HHAT: variants seen among roughly 807,000 people sequenced by gnomAD.
HHAT encodes the protein hedgehog acyltransferase, also known as protein-cysteine N-palmitoyltransferase HHAT.
HHAT carries 47 observed loss-of-function variants against 70.8 expected under a neutral mutation model. The observed-to-expected ratio is 0.66, with a 90% CI of 0.53 to 0.85. The LOEUF (loss-of-function observed/expected upper bound fraction) is 0.85. Ranked by LOEUF, HHAT falls within the 40% of genes least tolerant of loss-of-function variation. HHAT has a pLI of 0.00. For synonymous variants in HHAT, 228 were observed against 247.6 expected (o/e 0.92, Z 0.74); for missense variants, 609 against 604.8 (o/e 1.01, Z -0.07).
At chr1:210,448,569 G>A (rs1053742343) in intron 7 of HHAT, among the ~76,000 whole-genome samples, 5 of 152,242 alleles carry the variant, frequency 3.3e-5, no homozygotes, top group African/African-American at 9.6e-5. Flanking sequence ...GGCAATTTAC[G>A]AAGTATTGAG....
At chr1:210,514,205 C>G (rs894586154) in intron 9 of HHAT, among the ~76,000 whole-genome samples, 1 of 152,200 alleles carries the variant, frequency 6.6e-6, no homozygotes, top group Non-Finnish European at 1.5e-5. Flanking sequence ...ACCTTGTCCT[C>G]TTTGACCTCT....
chr1:210,437,804 T>A (rs10863831), intron 7 of HHAT, among the ~76,000 whole-genome samples: 111,466 of 151,648 alleles, frequency 0.74, 41,382 homozygotes, highest in South Asian at 0.79. Flanking sequence ...TTTATCCAAT[T>A]GAATTCCTTC....
chr1:210,600,524 A>G (rs1463818327), intron 10 of HHAT, among the ~76,000 whole-genome samples: 3 of 152,140 alleles, frequency 2.0e-5, no homozygotes, highest in African/African-American at 4.8e-5. Context: ...GTAAGGAGGA[A>G]TTAGTCTTCC....
intron 9 of HHAT, among the ~76,000 whole-genome samples, chr1:210,580,917 G>A (rs188596486): frequency 2.8e-3 from 419 of 152,294 alleles, no homozygotes; most frequent in Middle Eastern, 0.024. Flanking sequence ...TTCCACGATG[G>A]TTGAACTAAT....
chr1:210,650,994 A>G (rs1675014203), intron 11 of HHAT, among the ~76,000 whole-genome samples: 2 of 152,246 alleles, frequency 1.3e-5, no homozygotes. Flanking sequence ...GGAAAGCTGT[A>G]GATAATTGCC....
intron 8 of HHAT, among the ~76,000 whole-genome samples, chr1:210,511,733 G>A (rs1397831415): frequency 6.7e-6 from 1 of 150,310 alleles, no homozygotes; most frequent in Non-Finnish European, 1.5e-5. Context: ...GTTGGGAGCA[G>A]TGATTCTGCC....
At chr1:210,664,352 CT>C (rs532172812) in intron 11 of HHAT, among the ~76,000 whole-genome samples, 15 of 152,328 alleles carry the variant, frequency 9.8e-5, no homozygotes, top group South Asian at 8.3e-4. Context: ...TCGTTTCCCC[CT>C]ATCAGATCTG....
chr1:210,483,143 A>C (rs996180564), intron 8 of HHAT, among the ~76,000 whole-genome samples: 3 of 152,140 alleles, frequency 2.0e-5, no homozygotes, highest in African/African-American at 7.2e-5. Flanking sequence ...CTTCTGTTTC[A>C]ATGGCCCTTT....
intron 7 of HHAT, among the ~76,000 whole-genome samples, chr1:210,450,494 A>ATT (rs370619142): frequency 2.0e-5 from 3 of 151,176 alleles, no homozygotes; most frequent in African/African-American, 7.3e-5. Context: ...TTTGTATCTT[A>ATT]TTTTTAAAAA....
Position 210,348,946 on chromosome 1 carries a change from A to G in HHAT, c.-30A>G. 6.2e-7 allele frequency: 1 copy of G among 1,610,712 alleles called. No individual in the cohort carries two copies. Among genetic ancestry groups the G allele is most frequent in the Non-Finnish European group, 8.5e-7 (1 of 1,179,106 alleles). On this transcript the variant is annotated 5_prime_UTR_variant, in exon 2 of 12. Transcript: ENST00000261458. ...TCTGTTTCTCAGAAACTCTCAGCGT[A>G]GGCATCGGGAACCTTCGTGCCAAGG... is the stretch of plus-strand genomic sequence containing the variant.
chr1:210,386,301 G>C (rs1205946648), intron 3 of HHAT, among the ~76,000 whole-genome samples: 3 of 132,012 alleles, frequency 2.3e-5, no homozygotes, highest in Admixed American at 8.5e-5. Flanking sequence ...TGCAGTGGCG[G>C]GATTTCGGCT....
intron 3 of HHAT, among the ~76,000 whole-genome samples, chr1:210,376,050 A>G (rs1293783557): frequency 8.2e-6 from 1 of 121,706 alleles, no homozygotes; most frequent in African/African-American, 3.2e-5. Context: ...TTTTTACTAG[A>G]TAGGGGGTTT....
chr1:210,643,524 G>A (rs78754803), intron 11 of HHAT, among the ~76,000 whole-genome samples: 2,552 of 152,228 alleles, frequency 0.017, 34 homozygotes, highest in Middle Eastern at 0.027. Context: ...CATACCATGC[G>A]TCCAGAGGGT....
intron 1 of HHAT, among the ~76,000 whole-genome samples, chr1:210,345,612 T>C (rs1452041487): frequency 6.6e-6 from 1 of 152,260 alleles, no homozygotes; most frequent in African/African-American, 2.4e-5. Context: ...AGTGTTTTGG[T>C]CTTTATTTAG....
intron 10 of HHAT, among the ~76,000 whole-genome samples, chr1:210,616,212 G>A (rs1667697418): frequency 6.6e-6 from 1 of 151,446 alleles, no homozygotes; most frequent in African/African-American, 2.4e-5. Context: ...TACTCTCTTA[G>A]TGATTTTCAA....
At chr1:210,526,544 G>A (rs1032734824) in intron 9 of HHAT, among the ~76,000 whole-genome samples, 1 of 152,098 alleles carries the variant, frequency 6.6e-6, no homozygotes, top group Non-Finnish European at 1.5e-5. Context: ...GAAGCAGCCT[G>A]TGGAATGGAA....
chr1:210,379,435 TCGGCAGTAC>T (rs950776390), intron 3 of HHAT, among the ~76,000 whole-genome samples: 4 of 152,252 alleles, frequency 2.6e-5, no homozygotes, highest in African/African-American at 9.6e-5. Flanking sequence ...GTTGAGTTAA[TCGGCAGTAC>T]CTGCTGTACA....
At chr1:210,559,308 A>G (rs1000255401) in intron 9 of HHAT, among the ~76,000 whole-genome samples, 6 of 152,190 alleles carry the variant, frequency 3.9e-5, no homozygotes, top group African/African-American at 1.4e-4. Flanking sequence ...ACTCTTCATG[A>G]TTTTAAATAA....
intron 8 of HHAT, 55 bp downstream of exon 8, chr1:210,464,710 G>T: frequency 6.3e-7 from 1 of 1,597,408 alleles, no homozygotes; most frequent in Non-Finnish European, 8.6e-7. Context: ...GAGGAGCATG[G>T]CTGGGCCGGC....
Sources: allele counts gnomAD v4.1 joint callset (sites outside exome capture counted in the v4.1 genomes callset), GRCh38; gene constraint gnomAD v4.1.1; transcripts MANE v1.5; gene names NCBI Gene and HGNC (gene_info 2026-07-23, HGNC 2026-07-21).